TLR7: variants seen among roughly 807,000 people sequenced by gnomAD.
TLR7 encodes the protein toll like receptor 7.
In TLR7, 12 loss-of-function variants were observed where a neutral mutation model predicts 38.3. The observed-to-expected ratio is 0.31, with a 90% CI of 0.20 to 0.51. The LOEUF (loss-of-function observed/expected upper bound fraction) is 0.51. Among genes scored for constraint, TLR7 ranks in the 20% least tolerant of loss-of-function variants. The pLI is 0.98. For missense variants in TLR7, 504 were observed against 743.4 expected (o/e 0.68, Z 3.74); for synonymous variants, 285 against 293.8 (o/e 0.97, Z 0.31).
At chrX:12,885,452 T>A in intron 2 of TLR7, 60 bp from the exon 3 acceptor site, 1 of 1,057,727 alleles carries the variant, frequency 9.5e-7, no homozygotes, top group Non-Finnish European at 1.3e-6. Flanking sequence ...AAATGGGAAT[T>A]TTTAATTCTG....
At chrX:12,880,927 G>C (rs2042888894) in intron 2 of TLR7, among the ~76,000 whole-genome samples, 1 of 110,939 alleles carries the variant, frequency 9.0e-6, no homozygotes, top group African/African-American at 3.3e-5. Flanking sequence ...GTAAAATGGA[G>C]ATAATAATAG....
chrX:12,885,436 G>A (rs2042906592), intron 2 of TLR7, 76 bp from the exon 3 acceptor site: 1 of 927,881 alleles, frequency 1.1e-6, no homozygotes, highest in African/African-American at 2.0e-5. Context: ...GCAAAAGAGA[G>A]GCAGCAAATG....
In TLR7 at chrX:12,867,094, A is replaced by T. The variant is rs1481187130; in HGVS notation, c.-128A>T. The stretch of plus-strand genomic sequence containing the variant: ...ATCACTTCATCTCAGAAGACTCCAG[A>T]TATAGGATCACTCCATGCCATCAAG... On this transcript the variant is annotated 5_prime_UTR_variant, in exon 1 of 3. Transcript: ENST00000380659. The T allele has an allele frequency of 4.5e-5, 5 of 112,205 alleles. No individual in the cohort carries two copies. The highest frequency in any genetic ancestry group is 9.4e-5 in the Non-Finnish European group (5 of 53,409). The allele number at this position is 112,205 out of a possible 1,213,427, so 9.2% of individuals were successfully genotyped here. A position where few individuals can be genotyped will look rare whatever the true frequency, so the allele number is the denominator to read the frequency against.
rs1299955214 is a variant in TLR7 at position 12,885,587 on chromosome X, G to T, written c.79G>T (p.Ala27Ser). The change falls in exon 3 of 3, where the codon GCT becomes TCT. Residue 27 changes from alanine to serine, a missense_variant. Ala to Ser is a moderately conservative substitution (Grantham distance 99). Transcript: ENST00000380659. ...AATCCTAATTTCCAAACTCCTTGGG[G>T]CTAGATGGTTTCCTAAAACTCTGCC... ...NIILISKLLG[A>S]RWFPKTLPCD... 5.8e-6 allele frequency: 7 copies of T among 1,209,312 alleles called. No homozygotes were observed. The highest frequency in any genetic ancestry group is 1.1e-6 in the Non-Finnish European group (1 of 894,656).
chrX:12,881,061 T>C (rs999994039), intron 2 of TLR7, among the ~76,000 whole-genome samples: 2 of 109,579 alleles, frequency 1.8e-5, no homozygotes, highest in Non-Finnish European at 3.8e-5. Context: ...ACCCCGTCTC[T>C]ACTAAAAATA....
intron 2 of TLR7, among the ~76,000 whole-genome samples, chrX:12,880,609 T>C (rs1249060151): frequency 9.1e-6 from 1 of 110,367 alleles, no homozygotes; most frequent in Non-Finnish European, 1.9e-5. Flanking sequence ...TGAAGGAACC[T>C]ACTCAAAGGA....
At chrX:12,867,746 A>C (rs1395277808) in intron 2 of TLR7, among the ~76,000 whole-genome samples, 165 bp downstream of exon 2, 1 of 112,666 alleles carries the variant, frequency 8.9e-6, no homozygotes, top group East Asian at 2.8e-4. Flanking sequence ...GGGGCATGTC[A>C]CAATTTCAGA....
chrX:12,871,654 C>T (rs1471299654), intron 2 of TLR7, among the ~76,000 whole-genome samples: 1 of 111,552 alleles, frequency 9.0e-6, no homozygotes, highest in African/African-American at 3.3e-5. Flanking sequence ...TAAACTCAGG[C>T]AACTTGGCTT....
At chrX:12,881,539 TAATA>T (rs200840216) in intron 2 of TLR7, among the ~76,000 whole-genome samples, 4,926 of 106,163 alleles carry the variant, frequency 0.046, 311 homozygotes, top group African/African-American at 0.16. Flanking sequence ...TTTTAATAAA[TAATA>T]AATGAGTTAT....
intron 2 of TLR7, among the ~76,000 whole-genome samples, chrX:12,875,545 C>T (rs1312053994): frequency 2.7e-5 from 3 of 112,042 alleles, no homozygotes; most frequent in African/African-American, 9.7e-5. Context: ...TGAATTGTAG[C>T]TCCCATAATC....
In TLR7 at chrX:12,886,798, G is replaced by A; in HGVS notation, c.1290G>A (p.Val430=). The A allele has an allele frequency of 8.3e-7, 1 of 1,208,787 alleles. No homozygotes were observed. The highest frequency in any genetic ancestry group is 1.1e-6 in the Non-Finnish European group (1 of 893,565). Residue 430 remains valine (V), a synonymous_variant, in exon 3 of 3, where the codon GTG becomes GTA. Coordinates refer to ENST00000380659, the MANE Select transcript of TLR7 (RefSeq NM_016562.4). ...FKRLKVIDLS[V]NKISPSGDSS... ...GACTGAAAGTCATAGATCTTTCAGT[G>A]AATAAAATATCACCTTCAGGAGATT...
At position 12,889,723 on chromosome X, in the gene TLR7, G is replaced by A. The variant is rs1037656098; in HGVS notation, c.*1065G>A. 1.8e-5 allele frequency: 2 copies of A among 112,846 alleles called. No individual in the cohort carries two copies. Among genetic ancestry groups the A allele is most frequent in the Non-Finnish European group, 3.7e-5 (2 of 53,350 alleles). 9.3% of individuals were successfully genotyped at this position (112,846 alleles called of 1,213,427 possible). On this transcript the variant is annotated 3_prime_UTR_variant, in exon 3 of 3. Transcript: ENST00000380659. ...GTTTTTATCTGCACTGCAAAGTACT[G>A]TATCCAAAGTAAAATTTCCTCATCC...
At position 12,887,413 on chromosome X, in the gene TLR7, G is replaced by A; in HGVS notation, c.1905G>A (p.Trp635Ter). The A allele has an allele frequency of 8.3e-7, 1 of 1,209,597 alleles. No individual in the cohort carries two copies. The highest frequency in any genetic ancestry group is 1.1e-6 in the Non-Finnish European group (1 of 893,744). ...GAGGAAATCACTTAGATGTTTTATG[G>A]AGAGAAGGTGATAACAGATACTTAC... ...EFRGNHLDVL[W>*]REGDNRYLQL... The change falls in exon 3 of 3, where the codon TGG becomes TGA. Residue 635 changes from tryptophan to a stop codon, truncating the protein, a stop_gained. Transcript: ENST00000380659. LOFTEE classifies it high-confidence loss of function.
At chrX:12,869,099 G>A (rs944376972) in intron 2 of TLR7, among the ~76,000 whole-genome samples, 1 of 111,712 alleles carries the variant, frequency 9.0e-6, no homozygotes, top group South Asian at 3.7e-4. Flanking sequence ...AAGCTGTGCT[G>A]AAGACTCTTC....
intron 2 of TLR7, among the ~76,000 whole-genome samples, chrX:12,868,014 G>A (rs1175874300): frequency 8.9e-6 from 1 of 112,207 alleles, no homozygotes; most frequent in Non-Finnish European, 1.9e-5. Flanking sequence ...GGAAATCCCC[G>A]GGCTTGAGTG....
intron 2 of TLR7, among the ~76,000 whole-genome samples, chrX:12,878,205 T>A (rs769306605): frequency 1.8e-5 from 2 of 112,127 alleles, no homozygotes; most frequent in East Asian, 5.6e-4. Flanking sequence ...CATTAAATAA[T>A]ATAGACTTGG....
chrX:12,888,312 C>G lies in TLR7; in HGVS notation c.2804C>G (p.Pro935Arg). The change falls in exon 3 of 3, where the codon CCA (proline) becomes CGA (arginine). Residue 935 changes from proline to arginine, a missense_variant. Pro to Arg is a moderately radical substitution (Grantham distance 103). Transcript: ENST00000380659. ...NLCLEERDWL[P>R]GQPVLENLSQ... ...TGTCTCGAGGAAAGGGACTGGTTAC[C>G]AGGGCAGCCAGTTCTGGAAAACCTT... 8.3e-7 allele frequency: 1 copy of G among 1,211,500 alleles called. No homozygotes were observed. Among genetic ancestry groups the G allele is most frequent in the Non-Finnish European group, 1.1e-6 (1 of 895,410 alleles).
intron 2 of TLR7, among the ~76,000 whole-genome samples, chrX:12,872,762 C>T (rs2042857584): frequency 1.8e-5 from 2 of 109,213 alleles, no homozygotes; most frequent in South Asian, 3.9e-4. Flanking sequence ...ATCTGGTGTT[C>T]GGCCAGTTCT....
At chrX:12,867,897 A>T (rs1569106170) in intron 2 of TLR7, among the ~76,000 whole-genome samples, 2 of 112,784 alleles carry the variant, frequency 1.8e-5, no homozygotes, top group Middle Eastern at 4.6e-3. Flanking sequence ...AAGCCATAAC[A>T]AATCACTGAA....
Sources: allele counts gnomAD v4.1 joint callset (sites outside exome capture counted in the v4.1 genomes callset), GRCh38; gene constraint gnomAD v4.1.1; transcripts MANE v1.5; gene names NCBI Gene and HGNC (gene_info 2026-07-23, HGNC 2026-07-21).